The following SUCLG2 variants were observed in gnomAD, a reference collection of about 807,000 sequenced individuals.
SUCLG2 encodes the protein succinate-CoA ligase GDP-forming subunit beta, also known as succinate--CoA ligase [GDP-forming] subunit beta, mitochondrial.
SUCLG2 carries 42 observed loss-of-function variants against 47.9 expected under a neutral mutation model. The ratio of observed to expected loss-of-function variants is 0.88; its 90% CI spans 0.69 to 1.14. SUCLG2 has a LOEUF of 1.14. SUCLG2 is among the 50% of genes most tolerant of loss of function. SUCLG2 has a pLI of 0.00. For missense variants in SUCLG2, 571 were observed against 525.9 expected (o/e 1.09, Z -0.84); for synonymous variants, 195 against 197.3 (o/e 0.99, Z 0.10).
At chr3:67,579,402 G>C (rs1707825332) in intron 2 of SUCLG2, among the ~76,000 whole-genome samples, 1 of 152,194 alleles carries the variant, frequency 6.6e-6, no homozygotes, top group South Asian at 2.1e-4. Flanking sequence ...GAAGTTGGAT[G>C]AGACTAACAC....
chr3:67,572,441 C>T (rs148472921), intron 2 of SUCLG2, among the ~76,000 whole-genome samples: 73 of 152,260 alleles, frequency 4.8e-4, no homozygotes, highest in African/African-American at 1.7e-3. Flanking sequence ...CTATAAATAG[C>T]AGTACTACTA....
rs556142378 is a variant in SUCLG2, at chr3:67,611,142, T to C, written c.85-1546A>G. ...TAGTCCTTAAGATGTGAAATAAACA[T>C]AATATAATGTATACATGCTGGTAAA... is the stretch of plus-strand genomic sequence containing the variant. On this transcript the variant is annotated intron_variant, in intron 1 of 10. Transcript: ENST00000307227. 6.6e-5 allele frequency among the ~76,000 whole-genome samples: 10 copies of C among 152,298 alleles called. No homozygotes were observed. The East Asian group carries it at 1.9e-3, about 29-fold the overall frequency.
rs577662733 is a variant in SUCLG2, at chr3:67,627,401, T to C, written c.85-17805A>G. 4.6e-5 allele frequency among the ~76,000 whole-genome samples: 7 copies of C among 152,312 alleles called. No individual in the cohort carries two copies. In the South Asian group the frequency reaches 8.3e-4, roughly 18 times the overall value. ...GTGTGAAAATACTTTTACTTGGATA[T>C]TTCACAATTATTTTCTCATTAGATC... On this transcript the variant is annotated intron_variant, in intron 1 of 10. Transcript: ENST00000307227.
At chr3:67,377,326 T>C (rs987191738) in intron 10 of SUCLG2, among the ~76,000 whole-genome samples, 1 of 152,238 alleles carries the variant, frequency 6.6e-6, no homozygotes, top group African/African-American at 2.4e-5. Context: ...TAGATTGTGA[T>C]GAGAAGCAAA....
At chr3:67,558,207 G>T (rs1316277764) in intron 2 of SUCLG2, among the ~76,000 whole-genome samples, 3 of 151,984 alleles carry the variant, frequency 2.0e-5, no homozygotes, top group Non-Finnish European at 4.4e-5. Flanking sequence ...AGATTTCAGG[G>T]TGTGATTTCC....
At chr3:67,617,720 T>C (rs1700655614) in intron 1 of SUCLG2, among the ~76,000 whole-genome samples, 1 of 152,202 alleles carries the variant, frequency 6.6e-6, no homozygotes, top group South Asian at 2.1e-4. Flanking sequence ...GACATGAGTT[T>C]CACTTCCTCA....
At chr3:67,645,750 C>T (rs912176327) in intron 1 of SUCLG2, among the ~76,000 whole-genome samples, 35 of 151,768 alleles carry the variant, frequency 2.3e-4, no homozygotes, top group African/African-American at 8.2e-4. Flanking sequence ...TAAAGGCCCA[C>T]GTAAGCCCTC....
At chr3:67,407,254 C>T (rs1702834839) in intron 9 of SUCLG2, among the ~76,000 whole-genome samples, 1 of 152,138 alleles carries the variant, frequency 6.6e-6, no homozygotes, top group Admixed American at 6.6e-5. Flanking sequence ...GGTTCATTTC[C>T]CCTCAAATTC....
At chr3:67,654,003 T>A (rs918561195) in intron 1 of SUCLG2, among the ~76,000 whole-genome samples, 23 of 152,220 alleles carry the variant, frequency 1.5e-4, no homozygotes, top group African/African-American at 4.8e-4. Flanking sequence ...ACATTAAAAG[T>A]CTGCAAAAGC....
intron 10 of SUCLG2, among the ~76,000 whole-genome samples, chr3:67,398,286 A>G (rs1288316135): frequency 6.3e-4 from 95 of 150,678 alleles, no homozygotes; most frequent in African/African-American, 2.2e-3. Flanking sequence ...CAAAGGGCTA[A>G]TATCCAGAAT....
chr3:67,643,126 A>C (rs6787200), intron 1 of SUCLG2, among the ~76,000 whole-genome samples: 56,817 of 152,062 alleles, frequency 0.37, 11,011 homozygotes, highest in African/African-American at 0.45. Flanking sequence ...AATAATCATA[A>C]AAACACACTA....
At chr3:67,401,854 T>C (rs577343726) in intron 9 of SUCLG2, among the ~76,000 whole-genome samples, 16 of 152,286 alleles carry the variant, frequency 1.1e-4, no homozygotes, top group Non-Finnish European at 2.1e-4. Context: ...ACCAAACATA[T>C]GAGAAGAGAA....
At chr3:67,437,696 G>A (rs1182327612) in intron 9 of SUCLG2, among the ~76,000 whole-genome samples, 1 of 151,818 alleles carries the variant, frequency 6.6e-6, no homozygotes, top group Non-Finnish European at 1.5e-5. Flanking sequence ...TATAAAATAT[G>A]GATTTAGGTG....
chr3:67,361,845 C>T (rs1701807431), intron 10 of SUCLG2, among the ~76,000 whole-genome samples: 1 of 152,108 alleles, frequency 6.6e-6, no homozygotes, highest in African/African-American at 2.4e-5. Context: ...CTAGAAAGTG[C>T]TTGCATGTAT....
At chr3:67,638,232 T>C (rs1184890097) in intron 1 of SUCLG2, among the ~76,000 whole-genome samples, 1 of 152,220 alleles carries the variant, frequency 6.6e-6, no homozygotes, top group African/African-American at 2.4e-5. Context: ...TAGATAATGA[T>C]AATGATAGTA....
At chr3:67,551,976 A>C (rs980597096) in intron 2 of SUCLG2, among the ~76,000 whole-genome samples, 2 of 151,900 alleles carry the variant, frequency 1.3e-5, no homozygotes, top group Admixed American at 1.3e-4. Flanking sequence ...GCCACCCACA[A>C]CTCTCACCTA....
At chr3:67,463,809 G>C (rs1331075978) in intron 9 of SUCLG2, among the ~76,000 whole-genome samples, 1 of 152,190 alleles carries the variant, frequency 6.6e-6, no homozygotes, top group Non-Finnish European at 1.5e-5. Context: ...GAAATAAAGA[G>C]AAAGAAAGTG....
At chr3:67,568,899 A>C (rs189460628) in intron 2 of SUCLG2, among the ~76,000 whole-genome samples, 1 of 152,302 alleles carries the variant, frequency 6.6e-6, no homozygotes, top group African/African-American at 2.4e-5. Flanking sequence ...AAAAAATAAA[A>C]TAAAATAAAA....
chr3:67,367,865 T>A (rs577817544), intron 10 of SUCLG2, among the ~76,000 whole-genome samples: 6 of 152,344 alleles, frequency 3.9e-5, no homozygotes, highest in African/African-American at 1.4e-4. Context: ...TGTATCCAAG[T>A]ATCTAGCTAT....
Sources: gnomAD v4.1 joint callset for allele counts (sites outside exome capture counted in the v4.1 genomes callset) on GRCh38, gnomAD v4.1.1 for gene constraint, MANE v1.5 for transcripts, NCBI Gene and HGNC (gene_info 2026-07-23, HGNC 2026-07-21) for gene names.